Variants in OR51B5 observed in about 807,000 individuals in gnomAD.
The protein encoded by OR51B5 is olfactory receptor 51B5.
For synonymous variants in OR51B5, 186 were observed against 144.8 expected (o/e 1.28, Z -2.04); for missense variants, 456 against 374.6 (o/e 1.22, Z -1.79).
chr11:5,400,242 T>C (rs1190484557), intron 1 of OR51B5, among the ~76,000 whole-genome samples: 2 of 152,214 alleles, frequency 1.3e-5, no homozygotes, highest in African/African-American at 2.4e-5. Flanking sequence ...TATCAGAGCA[T>C]GGTAAGTGTC....
chr11:5,435,451 G>A (rs550345700), intron 1 of OR51B5, among the ~76,000 whole-genome samples: 44 of 152,202 alleles, frequency 2.9e-4, no homozygotes, highest in Admixed American at 9.2e-4. Context: ...TCTAATGTCT[G>A]TATCCCTACC....
Position 5,421,263 on chromosome 11 carries a change from T to A in OR51B5, n.85-74353A>T, listed in dbSNP as rs1255279023. ...CACCTTCCACCCTCCAGACTAGAGA[T>A]CTGCAAGGGGCTTATACCGCACCTG... On this transcript the variant is annotated intron_variant and non_coding_transcript_variant, in intron 1 of 4. Transcript: ENST00000415970. Among the ~76,000 whole-genome samples, 4 of 152,136 alleles carry A rather than the reference T, an allele frequency of 2.6e-5. No homozygotes were observed. The East Asian group carries it at 7.7e-4, about 29-fold the overall frequency.
chr11:5,441,148 C>T (rs762218833), intron 1 of OR51B5: 2 of 1,613,966 alleles, frequency 1.2e-6, no homozygotes. Flanking sequence ...ACAAAGCGAT[C>T]CAAGCTCATG....
chr11:5,393,986 C>T (rs1376897060), intron 1 of OR51B5, among the ~76,000 whole-genome samples: 1 of 152,086 alleles, frequency 6.6e-6, no homozygotes, highest in Non-Finnish European at 1.5e-5. Flanking sequence ...TGTTCCCTTT[C>T]CTAGAATATG....
chr11:5,428,531 G>A (rs951000817), intron 1 of OR51B5, among the ~76,000 whole-genome samples: 4 of 151,922 alleles, frequency 2.6e-5, no homozygotes, highest in African/African-American at 9.7e-5. Context: ...AGTGAAGCAT[G>A]TAAAATGATC....
intron 1 of OR51B5, chr11:5,468,393 G>A: frequency 3.5e-6 from 1 of 285,522 alleles, no homozygotes; most frequent in Non-Finnish European, 6.9e-6. Context: ...ACGTCTGGAG[G>A]GAGATTGAAA....
At chr11:5,379,868 T>G (rs1444663155) in intron 1 of OR51B5, among the ~76,000 whole-genome samples, 1 of 152,154 alleles carries the variant, frequency 6.6e-6, no homozygotes, top group Non-Finnish European at 1.5e-5. Flanking sequence ...GTGATCTCCT[T>G]GCATGCACTT....
chr11:5,360,468 G>A (rs144082487), intron 1 of OR51B5, among the ~76,000 whole-genome samples: 23,521 of 147,096 alleles, frequency 0.16, 2,139 homozygotes, highest in Non-Finnish European at 0.2. Flanking sequence ...TTAGAATGGC[G>A]ATCATTAAAA....
chr11:5,444,094 T>G (rs1173821030), intron 1 of OR51B5, among the ~76,000 whole-genome samples: 1 of 152,150 alleles, frequency 6.6e-6, no homozygotes, highest in Non-Finnish European at 1.5e-5. Flanking sequence ...CCTGAATAAA[T>G]GTTTATACAC....
At chr11:5,389,546 G>T in intron 1 of OR51B5, 1 of 1,613,884 alleles carries the variant, frequency 6.2e-7, no homozygotes, top group Non-Finnish European at 8.5e-7. Context: ...GTACATGGTT[G>T]CCATCTCAGG....
At chr11:5,373,634 T>C (rs796945144) in intron 1 of OR51B5, among the ~76,000 whole-genome samples, 1 of 152,124 alleles carries the variant, frequency 6.6e-6, no homozygotes, top group African/African-American at 2.4e-5. Flanking sequence ...CCGAATACTG[T>C]GCTTTTCTGA....
intron 1 of OR51B5, among the ~76,000 whole-genome samples, chr11:5,412,011 A>T (rs1344652107): frequency 6.6e-6 from 1 of 152,222 alleles, no homozygotes; most frequent in Non-Finnish European, 1.5e-5. Flanking sequence ...TACGGACTCT[A>T]AGATTAAAAA....
downstream of OR51B5, chr11:5,342,498 G>C: frequency 6.8e-7 from 1 of 1,460,314 alleles, no homozygotes; most frequent in African/African-American, 1.4e-5. Flanking sequence ...AGTCATATGA[G>C]CATGCATGCT....
intron 1 of OR51B5, among the ~76,000 whole-genome samples, chr11:5,373,868 T>G (rs1028346995): frequency 5.9e-5 from 9 of 152,110 alleles, no homozygotes; most frequent in African/African-American, 2.2e-4. Flanking sequence ...CAAGGAGGCC[T>G]GCCTGCCTCT....
chr11:5,480,570 C>A (rs1851402537), intron 1 of OR51B5, among the ~76,000 whole-genome samples: 2 of 151,644 alleles, frequency 1.3e-5, no homozygotes, highest in Non-Finnish European at 2.9e-5. Context: ...AATCCAGGAG[C>A]TGGTTTTTTG....
intron 1 of OR51B5, among the ~76,000 whole-genome samples, chr11:5,411,285 C>A (rs192020968): frequency 2.6e-5 from 4 of 152,160 alleles, no homozygotes; most frequent in African/African-American, 7.2e-5. Context: ...CACTGTGTTA[C>A]AATTGCTTAC....
intron 1 of OR51B5, chr11:5,355,719 T>G (rs1218956472): frequency 6.6e-6 from 1 of 151,810 alleles, no homozygotes; most frequent in Non-Finnish European, 1.5e-5. Flanking sequence ...GTGTGTCATT[T>G]CAAATAAACC....
intron 1 of OR51B5, chr11:5,362,606 T>C (rs7119567): frequency 0.22 from 32,523 of 148,726 alleles, 3,414 homozygotes; most frequent in East Asian, 0.39. Context: ...CTTAGCCTGC[T>C]GGGGCAAAAT....
chr11:5,432,878 G>C (rs1018347269), intron 1 of OR51B5, among the ~76,000 whole-genome samples: 1 of 152,112 alleles, frequency 6.6e-6, no homozygotes, highest in Non-Finnish European at 1.5e-5. Context: ...ATCTAGGTTG[G>C]AGTCATCAGA....
Sources: gnomAD v4.1 joint callset for allele counts (sites outside exome capture counted in the v4.1 genomes callset) on GRCh38, gnomAD v4.1.1 for gene constraint, MANE v1.5 for transcripts, NCBI Gene and HGNC (gene_info 2026-07-23, HGNC 2026-07-21) for gene names.